SPATA31H1: variants seen among roughly 807,000 people sequenced by gnomAD.
The protein encoded by SPATA31H1 is SPATA31 subfamily H member 1.
At chr2:27,572,451 G>A in the SPATA31H1 span, 2 of 398,382 alleles carry the variant, frequency 5.0e-6, no homozygotes, top group Non-Finnish European at 8.9e-6. Flanking sequence ...ACAGTTGGGA[G>A]ATATGATAGC....
At chr2:27,547,959 A>C in the SPATA31H1 span, among the ~76,000 whole-genome samples, 12 of 150,604 alleles carry the variant, frequency 8.0e-5, no homozygotes, top group Non-Finnish European at 1.5e-4. Context: ...TTATCATGCC[A>C]AAAAATTTAA....
At chr2:27,571,622 G>T in the SPATA31H1 span, 6 of 398,402 alleles carry the variant, frequency 1.5e-5, no homozygotes, top group African/African-American at 1.2e-4. Flanking sequence ...TGCTTCAAGG[G>T]GTTAAATCTA....
the SPATA31H1 span, among the ~76,000 whole-genome samples, chr2:27,541,187 G>A: frequency 2.0e-5 from 3 of 151,568 alleles, no homozygotes; most frequent in African/African-American, 7.3e-5. Context: ...AGGAGCTGGA[G>A]ACCAGCCCGG....
the SPATA31H1 span, among the ~76,000 whole-genome samples, chr2:27,545,328 A>AT: frequency 6.6e-6 from 1 of 151,478 alleles, no homozygotes; most frequent in Admixed American, 6.6e-5. Flanking sequence ...TGGCCTGTTT[A>AT]TTTTTTGTGG....
At chr2:27,552,818 CTGAG>C in the SPATA31H1 span, among the ~76,000 whole-genome samples, 2 of 151,928 alleles carry the variant, frequency 1.3e-5, no homozygotes, top group Non-Finnish European at 2.9e-5. Flanking sequence ...AAATTTATTC[CTGAG>C]TATTTTATTA....
chr2:27,567,029 G>A, the SPATA31H1 span: 1 of 717,390 alleles, frequency 1.4e-6, no homozygotes. Flanking sequence ...CTCTTTTTCA[G>A]CTCTCAGAGC....
chr2:27,579,411 C>T, the SPATA31H1 span: 3 of 1,614,048 alleles, frequency 1.9e-6, no homozygotes, highest in African/African-American at 2.7e-5. Flanking sequence ...AGAGAAGGGT[C>T]CAGTTACTAT....
At chr2:27,541,405 G>A in the SPATA31H1 span, among the ~76,000 whole-genome samples, 7 of 151,432 alleles carry the variant, frequency 4.6e-5, no homozygotes, top group African/African-American at 1.7e-4. Context: ...GTGGGAAGGG[G>A]GAGAGAGAGA....
chr2:27,576,453 T>C, the SPATA31H1 span: 1 of 714,158 alleles, frequency 1.4e-6, no homozygotes, highest in Admixed American at 3.0e-5. Flanking sequence ...ATCTGTGAAG[T>C]CAACTCTATG....
chr2:27,569,719 C>T, the SPATA31H1 span: 21 of 398,830 alleles, frequency 5.3e-5, no homozygotes, highest in Middle Eastern at 1.3e-3. Context: ...CCAGAGCTAC[C>T]GCTACAAAGT....
chr2:27,574,577 A>G, the SPATA31H1 span: 1 of 398,428 alleles, frequency 2.5e-6, no homozygotes, highest in African/African-American at 2.1e-5. Flanking sequence ...CCTCAGGGAC[A>G]AGGCTTCAAA....
At chr2:27,568,155 C>T in the SPATA31H1 span, 2 of 398,992 alleles carry the variant, frequency 5.0e-6, no homozygotes, top group East Asian at 3.6e-5. Context: ...TAACAAATCA[C>T]ATCCATGTAT....
chr2:27,560,333 CTG>C, the SPATA31H1 span, among the ~76,000 whole-genome samples: 31,115 of 125,492 alleles, frequency 0.25, 3,395 homozygotes, highest in East Asian at 0.4. Flanking sequence ...AATAATTTGA[CTG>C]TATTTTTTCA....
At chr2:27,582,564 T>G in the SPATA31H1 span, 2 of 1,532,202 alleles carry the variant, frequency 1.3e-6, no homozygotes, top group African/African-American at 2.8e-5. Context: ...GTCCTAAGTC[T>G]TCATCGTGCT....
chr2:27,549,516 T>C, the SPATA31H1 span, among the ~76,000 whole-genome samples: 1 of 151,770 alleles, frequency 6.6e-6, no homozygotes, highest in South Asian at 2.1e-4. Context: ...TTTTAAAATT[T>C]CTTCTGTGGA....
chr2:27,549,630 T>C, the SPATA31H1 span, among the ~76,000 whole-genome samples: 1 of 151,726 alleles, frequency 6.6e-6, no homozygotes, highest in Admixed American at 6.6e-5. Context: ...GCCAACATGG[T>C]GAAACCCCAT....
At chr2:27,578,753 C>T in the SPATA31H1 span, 1 of 1,614,128 alleles carries the variant, frequency 6.2e-7, no homozygotes, top group Non-Finnish European at 8.5e-7. Context: ...TAGGGACTGA[C>T]TTCTCTAGGT....
At chr2:27,579,114 T>G in the SPATA31H1 span, 1 of 1,614,098 alleles carries the variant, frequency 6.2e-7, no homozygotes, top group Non-Finnish European at 8.5e-7. Flanking sequence ...AAGCTGGAGA[T>G]CACGATCTAG....
At chr2:27,554,761 A>G in the SPATA31H1 span, among the ~76,000 whole-genome samples, 2 of 151,912 alleles carry the variant, frequency 1.3e-5, no homozygotes, top group Non-Finnish European at 2.9e-5. Context: ...TTTAGTAGGG[A>G]CAGGGTTTCG....
Sources: allele counts gnomAD v4.1 joint callset (sites outside exome capture counted in the v4.1 genomes callset), GRCh38; gene constraint gnomAD v4.1.1; transcripts MANE v1.5; gene names NCBI Gene and HGNC (gene_info 2026-07-23, HGNC 2026-07-21).